NUBPL: variants seen among roughly 807,000 people sequenced by gnomAD.
NUBPL encodes the protein NUBP iron-sulfur cluster assembly factor, mitochondrial, also known as iron-sulfur cluster transfer protein NUBPL.
Under a neutral mutation model 45.7 loss-of-function variants are expected in NUBPL, and 31 were observed. That is an observed-to-expected ratio of 0.68 (90% CI 0.51 to 0.92). The LOEUF (loss-of-function observed/expected upper bound fraction) is 0.92. NUBPL is among the 40% of genes least tolerant of loss of function. The probability of loss-of-function intolerance (pLI) is 0.00; values close to 1 mark genes in which losing one functional copy is unlikely to be tolerated. For synonymous variants in NUBPL, 144 were observed against 140.9 expected, an observed-to-expected ratio of 1.02 and a Z score of -0.15; for missense variants, 401 against 398.7, an observed-to-expected ratio of 1.01 and a Z score of -0.05.
chr14:31,741,868 G>T lies in NUBPL; in HGVS notation c.514-45912G>T, dbSNP rs553733013. On this transcript the variant is annotated intron_variant, in intron 6 of 10. Transcript: ENST00000281081. ...TCTCTTACAGATCTAAGAAAAGTTG[G>T]TTTTTCAGTTTGTTCAGTTTTTTAC... Among the ~76,000 whole-genome samples the T allele has an allele frequency of 1.2e-4, 18 of 152,102 alleles. No homozygotes were observed. In the East Asian group the frequency reaches 2.1e-3, roughly 18 times the overall value.
intron 8 of NUBPL, chr14:31,845,651 A>C (rs1437687491): frequency 6.5e-6 from 1 of 152,840 alleles, no homozygotes; most frequent in Non-Finnish European, 1.5e-5. Flanking sequence ...ACAAGAGCGA[A>C]ACTCCATCTC....
At chr14:31,810,270 C>G (rs963563776) in intron 7 of NUBPL, among the ~76,000 whole-genome samples, 2 of 152,064 alleles carry the variant, frequency 1.3e-5, no homozygotes, top group African/African-American at 4.8e-5. Flanking sequence ...TTTTAGGTCT[C>G]TTGGGGCTTG....
intron 6 of NUBPL, among the ~76,000 whole-genome samples, chr14:31,711,159 A>G (rs1179924225): frequency 1.3e-5 from 2 of 152,196 alleles, no homozygotes; most frequent in Non-Finnish European, 2.9e-5. Context: ...CACAGGGTCA[A>G]CCAACTTGTT....
At chr14:31,638,019 G>A (rs186478022) in intron 4 of NUBPL, among the ~76,000 whole-genome samples, 4 of 152,046 alleles carry the variant, frequency 2.6e-5, no homozygotes, top group Non-Finnish European at 4.4e-5. Context: ...TACAGCACAC[G>A]GATGGGTCTT....
chr14:31,664,695 C>A (rs1220754799), intron 4 of NUBPL, among the ~76,000 whole-genome samples: 1 of 152,000 alleles, frequency 6.6e-6, no homozygotes, highest in Non-Finnish European at 1.5e-5. Context: ...CCTAAAATTT[C>A]CTCTTTTTTT....
At chr14:31,818,415 A>G (rs78919160) in intron 7 of NUBPL, among the ~76,000 whole-genome samples, 2,257 of 152,330 alleles carry the variant, frequency 0.015, 64 homozygotes, top group African/African-American at 0.051. Context: ...CAAAGTTCAC[A>G]TGCTATCTCT....
intron 1 of NUBPL, 112 bp downstream of exon 1, chr14:31,561,659 C>A: frequency 1.4e-6 from 1 of 724,170 alleles, no homozygotes; most frequent in Non-Finnish European, 2.0e-6. Flanking sequence ...CCTGAGACCC[C>A]CAGTGTGCTG....
chr14:31,598,322 T>C (rs2034337846), intron 3 of NUBPL, among the ~76,000 whole-genome samples: 1 of 152,174 alleles, frequency 6.6e-6, no homozygotes, highest in African/African-American at 2.4e-5. Flanking sequence ...AGATGAGTGA[T>C]TGCTTCAGTT....
At chr14:31,611,477 G>A (rs2034756829) in intron 4 of NUBPL, among the ~76,000 whole-genome samples, 1 of 152,018 alleles carries the variant, frequency 6.6e-6, no homozygotes, top group East Asian at 1.9e-4. Flanking sequence ...AATCAATATT[G>A]TTAAATTGTC....
chr14:31,753,832 C>CT (rs1229484195), intron 6 of NUBPL, among the ~76,000 whole-genome samples: 1 of 152,144 alleles, frequency 6.6e-6, no homozygotes, highest in Non-Finnish European at 1.5e-5. Flanking sequence ...CTTCTTTAGA[C>CT]TATCTACTTG....
intron 6 of NUBPL, among the ~76,000 whole-genome samples, chr14:31,708,543 A>G (rs972712503): frequency 1.3e-5 from 2 of 152,360 alleles, no homozygotes; most frequent in Admixed American, 1.3e-4. Context: ...ATGTGAAAAG[A>G]GAAAGTCTCC....
intron 6 of NUBPL, among the ~76,000 whole-genome samples, chr14:31,763,052 A>G (rs2038845725): frequency 6.6e-6 from 1 of 152,192 alleles, no homozygotes; most frequent in African/African-American, 2.4e-5. Flanking sequence ...GAGCTTCATC[A>G]CGGGTCTATG....
At chr14:31,662,948 A>G (rs924871540) in intron 4 of NUBPL, among the ~76,000 whole-genome samples, 2 of 152,184 alleles carry the variant, frequency 1.3e-5, no homozygotes, top group Non-Finnish European at 2.9e-5. Context: ...CTCACATGAG[A>G]TGCTATCTCA....
Position 31,859,205 on chromosome 14 carries a change from C to T in NUBPL, c.*25C>T. The T allele has an allele frequency of 1.3e-6, 2 of 1,599,504 alleles. No individual in the cohort carries two copies. Among genetic ancestry groups the T allele is most frequent in the Non-Finnish European group, 1.7e-6 (2 of 1,166,962 alleles). Reference sequence around the variant, plus strand: ...ATTCCCCAAGTGTCCTGGAAATTTGCCTGGTACTGACATTAAGAGGACCTT... The same window carrying T: ...ATTCCCCAAGTGTCCTGGAAATTTGTCTGGTACTGACATTAAGAGGACCTT... On this transcript the variant is annotated 3_prime_UTR_variant, in exon 11 of 11. Coordinates refer to ENST00000281081, the MANE Select transcript of NUBPL (RefSeq NM_025152.3).
At chr14:31,778,633 T>A (rs558421549) in intron 6 of NUBPL, among the ~76,000 whole-genome samples, 1 of 152,308 alleles carries the variant, frequency 6.6e-6, no homozygotes, top group East Asian at 1.9e-4. Context: ...TCCAGTAAGG[T>A]TTAACTACTG....
At chr14:31,738,334 T>A (rs2038206322) in intron 6 of NUBPL, among the ~76,000 whole-genome samples, 1 of 152,218 alleles carries the variant, frequency 6.6e-6, no homozygotes, top group Non-Finnish European at 1.5e-5. Context: ...CACCAGAGGC[T>A]ACAACCTTAC....
intron 4 of NUBPL, among the ~76,000 whole-genome samples, chr14:31,612,457 A>T (rs952329638): frequency 1.3e-5 from 2 of 152,122 alleles, no homozygotes; most frequent in African/African-American, 4.8e-5. Context: ...AGGTCAAGAG[A>T]TAGAGACCAT....
At chr14:31,572,691 C>T (rs1042686298) in intron 3 of NUBPL, among the ~76,000 whole-genome samples, 3 of 152,082 alleles carry the variant, frequency 2.0e-5, no homozygotes, top group Admixed American at 6.6e-5. Context: ...TAAAAGATGA[C>T]GTATGGTCAT....
At chr14:31,764,455 T>G (rs971979436) in intron 6 of NUBPL, among the ~76,000 whole-genome samples, 3 of 152,188 alleles carry the variant, frequency 2.0e-5, no homozygotes, top group Non-Finnish European at 2.9e-5. Context: ...TGTAAATGTT[T>G]GTATTAATTT....
Sources: gnomAD v4.1 joint callset for allele counts (sites outside exome capture counted in the v4.1 genomes callset) on GRCh38, gnomAD v4.1.1 for gene constraint, MANE v1.5 for transcripts, NCBI Gene and HGNC (gene_info 2026-07-23, HGNC 2026-07-21) for gene names.